STMN2: variants seen among roughly 807,000 people sequenced by gnomAD.
STMN2 encodes stathmin-2.
STMN2 carries 2 observed loss-of-function variants against 24.1 expected under a neutral mutation model. The ratio of observed to expected loss-of-function variants is 0.08; its 90% CI spans 0.03 to 0.26. The LOEUF is 0.26. Among genes scored for constraint, STMN2 ranks in the 10% least tolerant of loss-of-function variants. The pLI, the probability that STMN2 is intolerant of heterozygous loss-of-function variation, is 1.00. For missense variants in STMN2, 114 were observed against 213.6 expected, an observed-to-expected ratio of 0.53 and a Z score of 2.91; for synonymous variants, 83 against 77.5, an observed-to-expected ratio of 1.07 and a Z score of -0.37.
intron 4 of STMN2, among the ~76,000 whole-genome samples, chr8:79,663,237 T>G (rs1806536647): frequency 6.6e-6 from 1 of 152,166 alleles, no homozygotes; most frequent in Non-Finnish European, 1.5e-5. Flanking sequence ...CTATAAAATG[T>G]TCTCCTCACT....
intron 3 of STMN2, among the ~76,000 whole-genome samples, chr8:79,649,141 T>C (rs1426571083): frequency 6.6e-6 from 1 of 152,188 alleles, no homozygotes; most frequent in African/African-American, 2.4e-5. Flanking sequence ...ACATTGTAGA[T>C]GGCAATTAAA....
intron 1 of STMN2, among the ~76,000 whole-genome samples, chr8:79,625,716 G>C (rs1237930465): frequency 6.6e-6 from 1 of 152,210 alleles, no homozygotes; most frequent in Non-Finnish European, 1.5e-5. Flanking sequence ...CCAGCACTTT[G>C]GGAGGCCGAG....
At chr8:79,651,133 A>T (rs1244725356) in intron 3 of STMN2, among the ~76,000 whole-genome samples, 1 of 152,224 alleles carries the variant, frequency 6.6e-6, no homozygotes, top group African/African-American at 2.4e-5. Context: ...AATAGTGGAT[A>T]TAACATTCCC....
Position 79,641,366 on chromosome 8 carries a change from T to C in STMN2, c.116-12T>C. ...TTTGTATGCTTAACATTCTCAAATG[T>C]TCACTTTTCAGATATGGAAGTGAAG... On this transcript the variant is annotated splice_polypyrimidine_tract_variant and intron_variant, in intron 2 of 4. Transcript: ENST00000220876. The C allele has an allele frequency of 6.2e-7, 1 of 1,610,624 alleles. No homozygotes were observed. Among genetic ancestry groups the C allele is most frequent in the Admixed American group, 1.7e-5 (1 of 58,924 alleles).
Position 79,664,815 on chromosome 8 carries a change from G to A in STMN2, c.481G>A (p.Glu161Lys), listed in dbSNP as rs1806568108. ...AAIIERLQEK[E>K]RHAAEVRRNK... ...TTCTTCTTCCTTTTGTGTTTTTTAG[G>A]AGAGGCATGCTGCGGAGGTGCGCAG... The change falls in exon 5 of 5, where the codon GAG (glutamate) becomes AAG (lysine). Residue 161 changes from glutamate to lysine, a missense_variant and splice_region_variant. Transcript: ENST00000220876. 1 of 1,612,094 alleles carries A rather than the reference G, an allele frequency of 6.2e-7. No individual in the cohort carries two copies. Among genetic ancestry groups the A allele is most frequent in the Non-Finnish European group, 8.5e-7 (1 of 1,179,156 alleles).
rs368499848 is a variant in STMN2, at chr8:79,664,895, G to A, written c.*21G>A. 101 of 1,608,826 alleles carry A rather than the reference G, an allele frequency of 6.3e-5. 1 individual carries two copies. Among genetic ancestry groups the A allele is most frequent in the Admixed American group, 1.7e-4 (10 of 59,506 alleles). ...GCTGAAGCAAGGGAGGGTCTGGCACGCCCCACCAATAGTAAATCCCCCTGC... is the reference window on the plus strand; with the variant it reads ...GCTGAAGCAAGGGAGGGTCTGGCACACCCCACCAATAGTAAATCCCCCTGC... On this transcript the variant is annotated 3_prime_UTR_variant, in exon 5 of 5. Transcript: ENST00000220876.
At chr8:79,620,568 A>G (rs569113536) in intron 1 of STMN2, among the ~76,000 whole-genome samples, 2 of 152,178 alleles carry the variant, frequency 1.3e-5, no homozygotes, top group Non-Finnish European at 2.9e-5. Flanking sequence ...AGAAAGTTCA[A>G]TAGTAATAAT....
At chr8:79,661,660 A>C (rs1383132847) in intron 4 of STMN2, among the ~76,000 whole-genome samples, 2 of 152,148 alleles carry the variant, frequency 1.3e-5, no homozygotes, top group African/African-American at 2.4e-5. Flanking sequence ...ACAACCTAAA[A>C]GAAAATACTG....
At chr8:79,653,438 G>T (rs1288733119) in intron 3 of STMN2, among the ~76,000 whole-genome samples, 1 of 152,078 alleles carries the variant, frequency 6.6e-6, no homozygotes, top group Non-Finnish European at 1.5e-5. Context: ...AAAGCAAGAG[G>T]CAGGGCTGGT....
intron 1 of STMN2, among the ~76,000 whole-genome samples, chr8:79,633,441 C>G (rs761450878): frequency 6.6e-5 from 10 of 152,158 alleles, no homozygotes; most frequent in Admixed American, 6.6e-4. Context: ...TTTTATCAGT[C>G]ATTTTCTTAG....
Position 79,641,555 on chromosome 8 carries a change from C to G in STMN2, c.288+5C>G, listed in dbSNP as rs762034745. 7 of 1,592,354 alleles carry G rather than the reference C, an allele frequency of 4.4e-6. No individual in the cohort carries two copies. The African/African-American group carries it at 9.5e-5, about 22-fold the overall frequency. On this transcript the variant is annotated splice_donor_5th_base_variant and intron_variant, in intron 3 of 4. Coordinates refer to ENST00000220876, the MANE Select transcript of STMN2 (RefSeq NM_007029.4). ...GCTGCAGAGGAAAGAAGAAAGGTAA[C>G]TTTTTCCATAGGTTTTCCTTCTCTC... is the stretch of plus-strand genomic sequence containing the variant.
At position 79,636,863 on chromosome 8, in the gene STMN2, G is replaced by A. The variant is rs775608894; in HGVS notation, c.81G>A (p.Pro27=). ...MLSLICSCFY[P]EPRNINIYTY... Reference sequence around the variant, plus strand: ...CACTGATCTGCTCTTGCTTTTACCCGGAACCTCGCAACATCAACATCTATA... The same window carrying A: ...CACTGATCTGCTCTTGCTTTTACCCAGAACCTCGCAACATCAACATCTATA... Residue 27 remains proline, a synonymous_variant, in exon 2 of 5, where the codon CCG becomes CCA. Coordinates refer to ENST00000220876, the MANE Select transcript of STMN2 (RefSeq NM_007029.4). 20 of 1,613,652 alleles carry A rather than the reference G, an allele frequency of 1.2e-5. No homozygotes were observed. The highest frequency in any genetic ancestry group is 3.3e-5 in the South Asian group (3 of 91,074).
intron 1 of STMN2, among the ~76,000 whole-genome samples, chr8:79,614,520 A>G (rs1418762801): frequency 3.3e-5 from 5 of 152,254 alleles, no homozygotes; most frequent in African/African-American, 1.2e-4. Context: ...TGAGCCTGCA[A>G]TAAACACTCT....
chr8:79,621,443 T>C (rs1809513610), intron 1 of STMN2, among the ~76,000 whole-genome samples: 1 of 152,210 alleles, frequency 6.6e-6, no homozygotes, highest in African/African-American at 2.4e-5. Flanking sequence ...TTCTATGTAA[T>C]GAAAAGTGAA....
chr8:79,650,811 C>T (rs774267323), intron 3 of STMN2, among the ~76,000 whole-genome samples: 5 of 152,086 alleles, frequency 3.3e-5, no homozygotes, highest in African/African-American at 9.7e-5. Context: ...TCGTGTTGCA[C>T]GCCTGTAGTC....
At chr8:79,644,849 G>A (rs577069369) in intron 3 of STMN2, among the ~76,000 whole-genome samples, 2 of 152,216 alleles carry the variant, frequency 1.3e-5, no homozygotes, top group Admixed American at 1.3e-4. Flanking sequence ...AAACAGTACT[G>A]TCCAAGGAAT....
chr8:79,657,724 G>A (rs1284041865), intron 4 of STMN2, among the ~76,000 whole-genome samples: 1 of 152,132 alleles, frequency 6.6e-6, no homozygotes, highest in Non-Finnish European at 1.5e-5. Context: ...TCAATAAAAA[G>A]GAAATACCAT....
At chr8:79,618,465 T>C (rs916047585) in intron 1 of STMN2, among the ~76,000 whole-genome samples, 3 of 152,226 alleles carry the variant, frequency 2.0e-5, no homozygotes, top group Admixed American at 2.0e-4. Flanking sequence ...GCCAGAGATA[T>C]TTAGTTTTAA....
At chr8:79,622,914 T>C (rs1053545774) in intron 1 of STMN2, among the ~76,000 whole-genome samples, 1 of 152,068 alleles carries the variant, frequency 6.6e-6, no homozygotes, top group Non-Finnish European at 1.5e-5. Context: ...TATCAATCCA[T>C]CAGTTTCACT....
Sources: allele counts gnomAD v4.1 joint callset (sites outside exome capture counted in the v4.1 genomes callset), GRCh38; gene constraint gnomAD v4.1.1; transcripts MANE v1.5; gene names NCBI Gene and HGNC (gene_info 2026-07-23, HGNC 2026-07-21).